CSMD1: variants seen among roughly 807,000 people sequenced by gnomAD.
CSMD1 encodes CUB and Sushi multiple domains 1, also known as CUB and sushi domain-containing protein 1.
CSMD1 carries 213 observed loss-of-function variants against 417.5 expected under a neutral mutation model. The observed-to-expected ratio is 0.51, with a 90% confidence interval of 0.46 to 0.57. CSMD1 has a LOEUF of 0.57. CSMD1 is among the 20% of genes least tolerant of loss of function. The probability of loss-of-function intolerance (pLI) is 0.00; values close to 1 mark genes in which losing one functional copy is unlikely to be tolerated. For synonymous variants in CSMD1, 2,862 were observed against 1,736.8 expected (o/e 1.65, Z -16.11); for missense variants, 6,923 against 4,529.7 (o/e 1.53, Z -15.17).
intron 3 of CSMD1, among the ~76,000 whole-genome samples, chr8:4,143,205 T>C (rs1803898048): frequency 6.6e-6 from 1 of 151,180 alleles, no homozygotes; most frequent in Admixed American, 6.6e-5. Flanking sequence ...TGTTTCCCTG[T>C]CCACAGAACG....
At chr8:4,305,543 T>G (rs2128875955) in intron 3 of CSMD1, among the ~76,000 whole-genome samples, 1 of 152,322 alleles carries the variant, frequency 6.6e-6, no homozygotes, top group Middle Eastern at 3.4e-3. Context: ...TTCCCAGTAT[T>G]GCTGTTCTCT....
intron 10 of CSMD1, among the ~76,000 whole-genome samples, chr8:3,550,083 A>T (rs1798843005): frequency 6.6e-6 from 1 of 152,164 alleles, no homozygotes; most frequent in African/African-American, 2.4e-5. Flanking sequence ...GGCAAGAAAA[A>T]AGAAAGCAAA....
chr8:3,552,173 T>C (rs1798944047), intron 10 of CSMD1, among the ~76,000 whole-genome samples: 1 of 152,192 alleles, frequency 6.6e-6, no homozygotes. Flanking sequence ...TGAGATTTTC[T>C]GCACAAACAG....
chr8:3,409,641 C>A (rs773396834), intron 12 of CSMD1, 36 bp from the exon 13 acceptor site: 6 of 1,476,768 alleles, frequency 4.1e-6, no homozygotes, highest in South Asian at 3.9e-5. Context: ...CTTAAAAAAA[C>A]ACACACAAGG....
intron 5 of CSMD1, among the ~76,000 whole-genome samples, chr8:3,989,893 C>T (rs1269003497): frequency 6.6e-6 from 1 of 152,112 alleles, no homozygotes; most frequent in Non-Finnish European, 1.5e-5. Context: ...CCTAACCAGT[C>T]CTCCATGAAA....
chr8:4,978,470 C>G (rs1455517188), intron 1 of CSMD1, among the ~76,000 whole-genome samples: 2 of 152,104 alleles, frequency 1.3e-5, no homozygotes, highest in Non-Finnish European at 2.9e-5. Flanking sequence ...TGTTAATAAA[C>G]CCAGCATCTT....
chr8:3,635,812 A>AAAAAAAAAAG (rs1554495065), intron 7 of CSMD1, among the ~76,000 whole-genome samples: 1 of 117,656 alleles, frequency 8.5e-6, no homozygotes, highest in African/African-American at 3.3e-5. Flanking sequence ...AAAAAAAAAA[A>AAAAAAAAAAG]AAAGAAAGAA....
At chr8:2,950,185 G>T in intron 67 of CSMD1, 46 bp downstream of exon 67, 1 of 1,236,324 alleles carries the variant, frequency 8.1e-7, no homozygotes, top group Non-Finnish European at 1.2e-6. Context: ...ACAGAGAGAT[G>T]ATTAGAAAGC....
intron 5 of CSMD1, among the ~76,000 whole-genome samples, chr8:3,802,254 T>C (rs1162346927): frequency 1.3e-5 from 2 of 152,182 alleles, no homozygotes; most frequent in Admixed American, 1.3e-4. Flanking sequence ...AAAATGAGTT[T>C]GGAACATCTA....
chr8:4,862,790 T>A (rs1177925518), intron 1 of CSMD1, among the ~76,000 whole-genome samples: 2 of 152,080 alleles, frequency 1.3e-5, no homozygotes, highest in East Asian at 3.9e-4. Flanking sequence ...TGAAATCCGG[T>A]GACAGCCTAA....
At position 4,552,685 on chromosome 8, in the gene CSMD1, G is replaced by T. The variant is rs957874846; in HGVS notation, c.302+84657C>A. Among the ~76,000 whole-genome samples, 13 of 152,062 alleles carry T rather than the reference G, an allele frequency of 8.5e-5. No individual in the cohort carries two copies. The Middle Eastern group carries it at 9.5e-3, about 111-fold the overall frequency. ...CCTAGCAATCGATCTTAATGAGATG[G>T]GTCTATTACCCCATCACAAGATGCT... is the stretch of plus-strand genomic sequence containing the variant. On this transcript the variant is annotated intron_variant, in intron 2 of 69. Coordinates refer to ENST00000635120, the MANE Select transcript of CSMD1 (RefSeq NM_033225.6).
intron 2 of CSMD1, among the ~76,000 whole-genome samples, chr8:4,580,713 C>A (rs140373983): frequency 1.3e-5 from 2 of 152,288 alleles, no homozygotes; most frequent in African/African-American, 2.4e-5. Context: ...CACCAGGAAG[C>A]CCTTCCTGAT....
intron 3 of CSMD1, among the ~76,000 whole-genome samples, chr8:4,357,887 C>T (rs562864935): frequency 1.6e-3 from 250 of 151,958 alleles, no homozygotes; most frequent in African/African-American, 5.6e-3. Context: ...AAATCATAGA[C>T]GTATAATTGT....
At chr8:3,399,665 C>T (rs1563348033) in intron 15 of CSMD1, 136 bp from the exon 16 acceptor site, 2 of 625,818 alleles carry the variant, frequency 3.2e-6, no homozygotes, top group East Asian at 6.1e-5. Flanking sequence ...AATCTTATTC[C>T]CAAGGAAACT....
chr8:3,560,395 A>C (rs1354580910), intron 10 of CSMD1, among the ~76,000 whole-genome samples: 3 of 152,170 alleles, frequency 2.0e-5, no homozygotes, highest in Non-Finnish European at 4.4e-5. Flanking sequence ...CAAGAATTTC[A>C]GTGTCTTTTC....
chr8:3,163,844 A>G (rs772268605), intron 37 of CSMD1, among the ~76,000 whole-genome samples: 5 of 152,090 alleles, frequency 3.3e-5, no homozygotes, highest in Non-Finnish European at 7.4e-5. Context: ...CCAGACCCTC[A>G]TAGCCAGGCT....
At chr8:3,013,703 G>A (rs1459312583) in intron 52 of CSMD1, among the ~76,000 whole-genome samples, 1 of 149,838 alleles carries the variant, frequency 6.7e-6, no homozygotes, top group Admixed American at 6.7e-5. Flanking sequence ...AGTGAGCTGA[G>A]ATCACACCAC....
intron 2 of CSMD1, among the ~76,000 whole-genome samples, chr8:4,452,997 C>T (rs1468566954): frequency 6.6e-6 from 1 of 151,998 alleles, no homozygotes; most frequent in Non-Finnish European, 1.5e-5. Flanking sequence ...GACTGTTTCC[C>T]ACAGTCCTCT....
At chr8:3,735,095 A>G (rs1174432733) in intron 6 of CSMD1, among the ~76,000 whole-genome samples, 2 of 152,230 alleles carry the variant, frequency 1.3e-5, no homozygotes, top group South Asian at 2.1e-4. Context: ...CAACGATGTG[A>G]AACAGGTACA....
Sources: gnomAD v4.1 joint callset for allele counts (sites outside exome capture counted in the v4.1 genomes callset) on GRCh38, gnomAD v4.1.1 for gene constraint, MANE v1.5 for transcripts, NCBI Gene and HGNC (gene_info 2026-07-23, HGNC 2026-07-21) for gene names.